The following RBFOX1 variants were observed in gnomAD, a reference collection of about 807,000 sequenced individuals.
The protein encoded by RBFOX1 is RNA binding protein fox-1 homolog 1.
Under a neutral mutation model 57.7 loss-of-function variants are expected in RBFOX1, and 8 were observed. That is an observed-to-expected ratio of 0.14 (90% CI 0.08 to 0.25). RBFOX1 has a LOEUF of 0.25. Ranked by LOEUF, RBFOX1 falls within the 10% of genes least tolerant of loss-of-function variation. The pLI, the probability that RBFOX1 is intolerant of heterozygous loss-of-function variation, is 1.00. For missense variants in RBFOX1, 611 were observed against 548.5 expected (o/e 1.11, Z -1.14); for synonymous variants, 326 against 222.4 (o/e 1.47, Z -4.15).
At chr16:6,018,779 G>C (rs2095017098), upstream of RBFOX1, among the ~76,000 whole-genome samples, 1 of 152,178 alleles carries the variant, frequency 6.6e-6, no homozygotes, top group African/African-American at 2.4e-5. Flanking sequence ...GTTGGGAGGA[G>C]GGCGCTGGTG....
intron 4 of RBFOX1, among the ~76,000 whole-genome samples, chr16:5,945,787 G>T (rs1460714599): frequency 6.6e-6 from 1 of 152,138 alleles, no homozygotes; most frequent in Non-Finnish European, 1.5e-5. Flanking sequence ...ACCCAGTGAG[G>T]CTCTAGAATT....
At chr16:5,285,008 C>A (rs1185328905) in intron 1 of RBFOX1, among the ~76,000 whole-genome samples, 1 of 151,892 alleles carries the variant, frequency 6.6e-6, no homozygotes, top group Non-Finnish European at 1.5e-5. Context: ...ATATCATTTG[C>A]AAGACTTAGG....
At chr16:6,937,479 A>G (rs2077573345) in intron 3 of RBFOX1, among the ~76,000 whole-genome samples, 1 of 152,124 alleles carries the variant, frequency 6.6e-6, no homozygotes, top group Admixed American at 6.5e-5. Context: ...CGGTGAAGAT[A>G]TTTATTCTGA....
intron 3 of RBFOX1, among the ~76,000 whole-genome samples, chr16:6,955,095 G>C (rs1211892140): frequency 6.6e-6 from 1 of 150,432 alleles, no homozygotes; most frequent in Admixed American, 6.6e-5. Flanking sequence ...CAAAAAATTA[G>C]CTGGGCATGG....
intron 3 of RBFOX1, among the ~76,000 whole-genome samples, chr16:6,770,209 T>C (rs1252393696): frequency 6.6e-6 from 1 of 152,174 alleles, no homozygotes; most frequent in Non-Finnish European, 1.5e-5. Context: ...GGGTGAGAAC[T>C]ACAGAATTTT....
At chr16:6,862,061 C>G (rs1020312744) in intron 3 of RBFOX1, among the ~76,000 whole-genome samples, 1 of 151,958 alleles carries the variant, frequency 6.6e-6, no homozygotes, top group Admixed American at 6.6e-5. Context: ...AAAATCACAG[C>G]AAAACTGATT....
intron 4 of RBFOX1, among the ~76,000 whole-genome samples, chr16:7,427,902 C>T (rs1568847097): frequency 6.6e-6 from 1 of 152,166 alleles, no homozygotes; most frequent in African/African-American, 2.4e-5. Flanking sequence ...GATCTGCCTG[C>T]CTTGGCCTCC....
chr16:7,278,052 C>G (rs1441587198), intron 4 of RBFOX1, among the ~76,000 whole-genome samples: 2 of 152,078 alleles, frequency 1.3e-5, no homozygotes, highest in Non-Finnish European at 2.9e-5. Context: ...CTAGCATTGC[C>G]TATCATTCAG....
intron 4 of RBFOX1, among the ~76,000 whole-genome samples, chr16:5,917,691 C>A: frequency 6.6e-6 from 1 of 152,292 alleles, no homozygotes; most frequent in Non-Finnish European, 1.5e-5. Context: ...CGCCATCCAC[C>A]GTTTCTTCCC....
intron 4 of RBFOX1, among the ~76,000 whole-genome samples, chr16:7,462,813 C>T (rs761802059): frequency 6.6e-6 from 1 of 152,190 alleles, no homozygotes; most frequent in Non-Finnish European, 1.5e-5. Flanking sequence ...GACAGCTACT[C>T]GAGTCTCTTT....
At chr16:5,880,818 A>G (rs540144129) in intron 4 of RBFOX1, among the ~76,000 whole-genome samples, 33 of 152,376 alleles carry the variant, frequency 2.2e-4, no homozygotes, top group Admixed American at 6.5e-4. Flanking sequence ...AACTATTTAT[A>G]TTGAAATACA....
At chr16:7,087,656 G>T (rs1476294073) in intron 4 of RBFOX1, among the ~76,000 whole-genome samples, 1 of 152,070 alleles carries the variant, frequency 6.6e-6, no homozygotes, top group East Asian at 1.9e-4. Context: ...GCCACTGAAG[G>T]AATGTTATCC....
At chr16:6,959,601 T>C (rs1322688622) in intron 3 of RBFOX1, among the ~76,000 whole-genome samples, 1 of 152,196 alleles carries the variant, frequency 6.6e-6, no homozygotes, top group Non-Finnish European at 1.5e-5. Context: ...GGCAGGCCTC[T>C]GTAACAACTG....
chr16:5,695,458 C>G (rs773396636), intron 3 of RBFOX1, among the ~76,000 whole-genome samples: 1 of 152,144 alleles, frequency 6.6e-6, no homozygotes, highest in Non-Finnish European at 1.5e-5. Context: ...AATAATGAAG[C>G]TAGGCAATCA....
intron 4 of RBFOX1, among the ~76,000 whole-genome samples, chr16:5,880,652 T>G (rs1205793944): frequency 1.3e-5 from 2 of 152,174 alleles, no homozygotes; most frequent in Non-Finnish European, 2.9e-5. Context: ...TGAGTCTCTG[T>G]GTGTGTATGG....
chr16:7,348,731 C>T (rs1297570567), intron 4 of RBFOX1, among the ~76,000 whole-genome samples: 3 of 152,298 alleles, frequency 2.0e-5, no homozygotes, highest in East Asian at 1.9e-4. Context: ...CACCTGAGGT[C>T]AGGAGTTCAA....
At chr16:6,834,274 C>G (rs139494750) in intron 3 of RBFOX1, among the ~76,000 whole-genome samples, 31 of 152,106 alleles carry the variant, frequency 2.0e-4, no homozygotes, top group Middle Eastern at 3.4e-3. Context: ...GGGGGTTTCA[C>G]CACGTTGGCC....
At chr16:5,415,381 C>A (rs145967646) in intron 1 of RBFOX1, among the ~76,000 whole-genome samples, 27 of 152,284 alleles carry the variant, frequency 1.8e-4, no homozygotes, top group African/African-American at 6.5e-4. Flanking sequence ...CCCGATGATG[C>A]AGTCACTTCC....
intron 5 of RBFOX1, among the ~76,000 whole-genome samples, chr16:7,549,111 G>T (rs558666136): frequency 6.6e-6 from 1 of 152,240 alleles, no homozygotes; most frequent in Non-Finnish European, 1.5e-5. Flanking sequence ...GGAGGATCCA[G>T]TCTGGTAAAC....
Sources: gnomAD v4.1 joint callset for allele counts (sites outside exome capture counted in the v4.1 genomes callset) on GRCh38, gnomAD v4.1.1 for gene constraint, MANE v1.5 for transcripts, NCBI Gene and HGNC (gene_info 2026-07-23, HGNC 2026-07-21) for gene names.